GTF2IRD1: variants seen among roughly 807,000 people sequenced by gnomAD.
GTF2IRD1 encodes general transcription factor II-I repeat domain-containing protein 1.
GTF2IRD1 carries 26 observed loss-of-function variants against 113.2 expected under a neutral mutation model. The ratio of observed to expected loss-of-function variants is 0.23; its 90% CI spans 0.17 to 0.32. GTF2IRD1 has a LOEUF of 0.32. Among genes scored for constraint, GTF2IRD1 ranks in the 10% least tolerant of loss-of-function variants. GTF2IRD1 has a pLI of 1.00. For synonymous variants in GTF2IRD1, 484 were observed against 529.1 expected, an observed-to-expected ratio of 0.91 and a Z score of 1.17; for missense variants, 864 against 1,280.8, an observed-to-expected ratio of 0.67 and a Z score of 4.97.
intron 4 of GTF2IRD1, among the ~76,000 whole-genome samples, chr7:74,517,490 C>A (rs1363610345): frequency 7.3e-6 from 1 of 136,734 alleles, no homozygotes; most frequent in South Asian, 2.3e-4. Flanking sequence ...TGGAGTGCAG[C>A]GGCTCACTGC....
At chr7:74,488,575 T>C (rs1448993980) in intron 1 of GTF2IRD1, among the ~76,000 whole-genome samples, 1 of 150,326 alleles carries the variant, frequency 6.7e-6, no homozygotes, top group Admixed American at 6.6e-5. Flanking sequence ...CTGGGCAACA[T>C]AGTGAGACCC....
chr7:74,569,860 G>A (rs1425692124), intron 22 of GTF2IRD1, among the ~76,000 whole-genome samples: 2 of 152,166 alleles, frequency 1.3e-5, no homozygotes, highest in African/African-American at 4.8e-5. Flanking sequence ...ACATCCAGGG[G>A]CCCATAGTGA....
At chr7:74,477,234 C>T (rs564448553) in intron 1 of GTF2IRD1, among the ~76,000 whole-genome samples, 1 of 152,090 alleles carries the variant, frequency 6.6e-6, no homozygotes, top group East Asian at 1.9e-4. Context: ...CATGCCAGTG[C>T]GCACCTGTAA....
intron 1 of GTF2IRD1, among the ~76,000 whole-genome samples, chr7:74,475,624 A>G (rs1794356426): frequency 6.6e-6 from 1 of 152,140 alleles, no homozygotes; most frequent in African/African-American, 2.4e-5. Context: ...GCTTCATGAA[A>G]TTGCACCACC....
intron 1 of GTF2IRD1, among the ~76,000 whole-genome samples, chr7:74,469,639 A>G (rs2116991019): frequency 6.6e-6 from 1 of 152,254 alleles, no homozygotes; most frequent in East Asian, 1.9e-4. Context: ...ATAATATTCC[A>G]TTTAATGGAT....
rs1465007870 is a variant in GTF2IRD1 at position 74,590,852 on chromosome 7, T to C, written c.2426T>C (p.Val809Ala). The C allele has an allele frequency of 6.2e-7, 1 of 1,612,278 alleles. No homozygotes were observed. Among genetic ancestry groups the C allele is most frequent in the Non-Finnish European group, 8.5e-7 (1 of 1,178,994 alleles). ...YGEALGLNRP[V>A]LVPYKLIRDS... The stretch of plus-strand genomic sequence containing the variant: ...GAGGCCCTGGGCCTGAACCGGCCGG[T>C]GCTGGTCCCTTATAAACTAATCCGG... The change falls in exon 24 of 27, where the codon GTG (valine) becomes GCG (alanine). Residue 809 changes from valine (V) to alanine (A), a missense_variant. By Grantham distance (64) the Val-to-Ala change is moderately conservative (BLOSUM62 0). Coordinates refer to ENST00000424337, the MANE Select transcript of GTF2IRD1 (RefSeq NM_005685.4).
At chr7:74,565,537 A>T (rs939105364) in intron 22 of GTF2IRD1, among the ~76,000 whole-genome samples, 12 of 152,056 alleles carry the variant, frequency 7.9e-5, no homozygotes, top group African/African-American at 2.9e-4. Flanking sequence ...AAAAAGAAAG[A>T]AAAAAGAAAA....
At chr7:74,496,209 G>C (rs1795663455) in intron 1 of GTF2IRD1, among the ~76,000 whole-genome samples, 1 of 151,860 alleles carries the variant, frequency 6.6e-6, no homozygotes, top group Non-Finnish European at 1.5e-5. Context: ...GTATGTGTAT[G>C]GGGTGTCTGC....
At chr7:74,595,418 A>G (rs1419236091) in intron 25 of GTF2IRD1, among the ~76,000 whole-genome samples, 4 of 151,772 alleles carry the variant, frequency 2.6e-5, no homozygotes, top group Admixed American at 6.6e-5. Context: ...AAAAAAGAAA[A>G]AAAGAAAGAA....
intron 1 of GTF2IRD1, among the ~76,000 whole-genome samples, chr7:74,486,020 G>A (rs1795004529): frequency 6.6e-6 from 1 of 151,922 alleles, no homozygotes; most frequent in Admixed American, 6.6e-5. Flanking sequence ...ACCCAGGCTG[G>A]AGTACGGTGG....
chr7:74,467,283 C>T (rs777909533), intron 1 of GTF2IRD1, among the ~76,000 whole-genome samples: 56 of 152,126 alleles, frequency 3.7e-4, no homozygotes, highest in Admixed American at 1.3e-3. Context: ...CTCGTTGGCG[C>T]TCCTCTACCC....
At chr7:74,460,902 A>C (rs73135316) in intron 1 of GTF2IRD1, among the ~76,000 whole-genome samples, 2 of 151,826 alleles carry the variant, frequency 1.3e-5, no homozygotes, top group South Asian at 4.2e-4. Flanking sequence ...GCTGCTGGGA[A>C]TTCCTGCACC....
chr7:74,563,675 C>T (rs1554359769), intron 22 of GTF2IRD1, among the ~76,000 whole-genome samples: 3 of 151,854 alleles, frequency 2.0e-5, no homozygotes, highest in African/African-American at 7.3e-5. Context: ...CACTTGAGGC[C>T]AAGAGTTTGA....
chr7:74,509,732 G>A (rs1283328939), intron 2 of GTF2IRD1, among the ~76,000 whole-genome samples: 2 of 151,692 alleles, frequency 1.3e-5, no homozygotes, highest in Non-Finnish European at 2.9e-5. Flanking sequence ...GAGTGCAGTG[G>A]TGTGATCTCG....
At chr7:74,461,540 G>T (rs559500336) in intron 1 of GTF2IRD1, among the ~76,000 whole-genome samples, 24 of 152,218 alleles carry the variant, frequency 1.6e-4, no homozygotes, top group African/African-American at 4.3e-4. Context: ...CTGGTCCCCA[G>T]CCCCCGGCTG....
intron 1 of GTF2IRD1, among the ~76,000 whole-genome samples, chr7:74,492,005 GTT>G (rs1235261224): frequency 7.2e-5 from 11 of 151,840 alleles, no homozygotes; most frequent in African/African-American, 2.4e-4. Flanking sequence ...GTTTGTTTTT[GTT>G]TTTGTTTTTG....
intron 1 of GTF2IRD1, among the ~76,000 whole-genome samples, chr7:74,479,463 A>G: frequency 6.6e-6 from 1 of 151,930 alleles, no homozygotes; most frequent in Non-Finnish European, 1.5e-5. Context: ...ACTCCTTCAA[A>G]CAGGTCTTTA....
At chr7:74,525,541 CG>C (rs1158322348) in intron 8 of GTF2IRD1, among the ~76,000 whole-genome samples, 1 of 152,066 alleles carries the variant, frequency 6.6e-6, no homozygotes, top group Non-Finnish European at 1.5e-5. Context: ...CACTTGAGCT[CG>C]AGAGTTCGAG....
At chr7:74,454,479 C>T (rs1231766199) in intron 1 of GTF2IRD1, among the ~76,000 whole-genome samples, 6 of 152,036 alleles carry the variant, frequency 3.9e-5, no homozygotes, top group African/African-American at 1.4e-4. Context: ...CGTCCCGGGC[C>T]GGCGCCCGCA....
Sources: allele counts gnomAD v4.1 joint callset (sites outside exome capture counted in the v4.1 genomes callset), GRCh38; gene constraint gnomAD v4.1.1; transcripts MANE v1.5; gene names NCBI Gene and HGNC (gene_info 2026-07-23, HGNC 2026-07-21).